TCF12: variants seen among roughly 807,000 people sequenced by gnomAD.
The protein encoded by TCF12 is transcription factor 12, also known as DNA-binding protein HTF4.
In TCF12, 45 loss-of-function variants were observed where a neutral mutation model predicts 86.0. That is an observed-to-expected ratio of 0.52 (90% CI 0.41 to 0.67). The LOEUF (loss-of-function observed/expected upper bound fraction) is 0.67, where lower values mean the gene tolerates loss of function less well. TCF12 is among the 30% of genes least tolerant of loss of function. The probability of loss-of-function intolerance (pLI) is 0.00; values close to 1 mark genes in which losing one functional copy is unlikely to be tolerated. For synonymous variants in TCF12, 330 were observed against 299.6 expected, an observed-to-expected ratio of 1.10 and a Z score of -1.05; for missense variants, 881 against 859.9, an observed-to-expected ratio of 1.02 and a Z score of -0.31.
intron 3 of TCF12, among the ~76,000 whole-genome samples, chr15:57,048,374 G>T (rs2067377019): frequency 6.6e-6 from 1 of 152,132 alleles, no homozygotes; most frequent in Non-Finnish European, 1.5e-5. Context: ...CCATTCTCCT[G>T]CCTCAGCCTC....
rs576432703 is a variant in TCF12, at chr15:57,244,034, G to A, written c.1114+484G>A. ...ACTGGGAATACAGGTGTATGCCACC[G>A]TGCCAAGCTAATTTTTTTACTTTTT... On this transcript the variant is annotated intron_variant, in intron 13 of 20. Transcript: ENST00000333725. Among the ~76,000 whole-genome samples the A allele has an allele frequency of 5.9e-5, 9 of 151,854 alleles. No individual in the cohort carries two copies. The South Asian group carries it at 6.3e-4, about 11-fold the overall frequency.
intron 3 of TCF12, among the ~76,000 whole-genome samples, chr15:57,026,954 C>T (rs2065860693): frequency 6.6e-6 from 1 of 151,872 alleles, no homozygotes; most frequent in Non-Finnish European, 1.5e-5. Context: ...AGTTGTTATA[C>T]TGTATTTTTA....
chr15:57,191,992 G>T (rs983021950), intron 6 of TCF12, among the ~76,000 whole-genome samples, 166 bp from the exon 7 acceptor site: 2 of 151,998 alleles, frequency 1.3e-5, no homozygotes, highest in African/African-American at 4.8e-5. Context: ...AGAGAAAGTA[G>T]GTATGGGCTG....
intron 1 of TCF12, 42 bp downstream of exon 1, chr15:56,918,948 G>C (rs1268937034): frequency 6.6e-6 from 1 of 152,112 alleles, no homozygotes; most frequent in African/African-American, 2.4e-5. Context: ...GGCGCGGCGG[G>C]GCTGGGGGCT....
At chr15:57,036,262 T>G (rs899104153) in intron 3 of TCF12, among the ~76,000 whole-genome samples, 1 of 138,788 alleles carries the variant, frequency 7.2e-6, no homozygotes, top group Non-Finnish European at 1.6e-5. Context: ...AGGTTTTTTG[T>G]TTTTTTTTCA....
At chr15:57,064,812 A>G (rs72751039) in intron 4 of TCF12, among the ~76,000 whole-genome samples, 55 of 123,450 alleles carry the variant, frequency 4.5e-4, no homozygotes, top group East Asian at 1.8e-3. Flanking sequence ...AAAAAAAAAA[A>G]AGAGAGAGAG....
intron 5 of TCF12, among the ~76,000 whole-genome samples, chr15:57,152,735 G>A (rs554767101): frequency 2.0e-5 from 3 of 152,238 alleles, no homozygotes; most frequent in Middle Eastern, 3.4e-3. Flanking sequence ...GTTTCAGAAT[G>A]AGAGGGATAA....
At chr15:57,210,746 G>A (rs931128475) in intron 8 of TCF12, among the ~76,000 whole-genome samples, 8 of 152,102 alleles carry the variant, frequency 5.3e-5, no homozygotes, top group Non-Finnish European at 7.3e-5. Flanking sequence ...TCAAGATCGC[G>A]CACCTATAAA....
At chr15:57,170,696 AT>A (rs1289376662) in intron 6 of TCF12, among the ~76,000 whole-genome samples, 79 of 1,994 alleles carry the variant, frequency 0.04, 3 homozygotes, top group African/African-American at 0.095. Context: ...TATAATATAT[AT>A]TATATATAAT....
chr15:57,117,535 T>G (rs1458455486), intron 5 of TCF12, among the ~76,000 whole-genome samples: 2 of 152,242 alleles, frequency 1.3e-5, no homozygotes, highest in Non-Finnish European at 2.9e-5. Context: ...CCTACAAGTA[T>G]GATCTGGGTT....
chr15:57,223,318 C>T (rs1043684603), intron 8 of TCF12, among the ~76,000 whole-genome samples: 6 of 151,960 alleles, frequency 3.9e-5, no homozygotes, highest in Non-Finnish European at 7.4e-5. Context: ...TGAATTTATC[C>T]TGACTACCCA....
At chr15:57,268,008 A>G (rs2060949382) in intron 18 of TCF12, among the ~76,000 whole-genome samples, 1 of 152,154 alleles carries the variant, frequency 6.6e-6, no homozygotes, top group South Asian at 2.1e-4. Flanking sequence ...TTACAGTGGT[A>G]GTGTTATGGT....
intron 3 of TCF12, among the ~76,000 whole-genome samples, chr15:56,997,493 G>T (rs533105948): frequency 1.1e-4 from 17 of 152,154 alleles, no homozygotes; most frequent in African/African-American, 3.9e-4. Flanking sequence ...AAGGAGTAAG[G>T]GTTGAAAAAT....
intron 3 of TCF12, among the ~76,000 whole-genome samples, chr15:56,983,182 C>G (rs2062979378): frequency 6.6e-6 from 1 of 152,134 alleles, no homozygotes; most frequent in Non-Finnish European, 1.5e-5. Context: ...GTCCTGTTAC[C>G]TTTGTCTCCC....
chr15:57,164,422 GTCC>G (rs2054718138), intron 5 of TCF12, among the ~76,000 whole-genome samples: 3 of 152,122 alleles, frequency 2.0e-5, no homozygotes, highest in Non-Finnish European at 2.9e-5. Context: ...AAGCAAAAGT[GTCC>G]TCCTTCACAT....
chr15:56,923,661 A>G (rs2059888112), intron 3 of TCF12, among the ~76,000 whole-genome samples: 1 of 152,186 alleles, frequency 6.6e-6, no homozygotes, highest in African/African-American at 2.4e-5. Flanking sequence ...TCAGATGTTT[A>G]AATCCATGTC....
chr15:56,928,561 T>C (rs17819658), intron 3 of TCF12, among the ~76,000 whole-genome samples: 6,146 of 152,298 alleles, frequency 0.04, 372 homozygotes, highest in Admixed American at 0.17. Flanking sequence ...ATATGAAGTC[T>C]GAGAAGTAAT....
At chr15:57,148,913 A>G (rs1203452034) in intron 5 of TCF12, among the ~76,000 whole-genome samples, 4 of 152,154 alleles carry the variant, frequency 2.6e-5, no homozygotes, top group African/African-American at 9.7e-5. Flanking sequence ...TACAAGCATT[A>G]TAACTAACAA....
intron 19 of TCF12, among the ~76,000 whole-genome samples, chr15:57,275,122 G>C (rs1351343667): frequency 2.0e-5 from 3 of 152,140 alleles, no homozygotes; most frequent in Non-Finnish European, 4.4e-5. Context: ...TATGGGTACT[G>C]ACTGTTTCAT....
Sources: gnomAD v4.1 joint callset for allele counts (sites outside exome capture counted in the v4.1 genomes callset) on GRCh38, gnomAD v4.1.1 for gene constraint, MANE v1.5 for transcripts, NCBI Gene and HGNC (gene_info 2026-07-23, HGNC 2026-07-21) for gene names.